Variants in RIN3 observed in about 807,000 individuals in gnomAD.
RIN3 encodes the protein RAB5 interacting protein 3.
Under a neutral mutation model 76.3 loss-of-function variants are expected in RIN3, and 54 were observed. The ratio of observed to expected loss-of-function variants is 0.71; its 90% CI spans 0.57 to 0.89. The LOEUF (loss-of-function observed/expected upper bound fraction) is 0.89. RIN3 is among the 40% of genes least tolerant of loss of function. The probability of loss-of-function intolerance (pLI) is 0.00; values close to 1 mark genes in which losing one functional copy is unlikely to be tolerated. For missense variants in RIN3, 1,256 were observed against 1,322.1 expected, an observed-to-expected ratio of 0.95 and a Z score of 0.78; for synonymous variants, 576 against 564.0, an observed-to-expected ratio of 1.02 and a Z score of -0.30.
chr14:92,651,971 G>A lies in RIN3; in HGVS notation c.922G>A (p.Ala308Thr). The A allele has an allele frequency of 7.0e-7, 1 of 1,418,646 alleles. No individual in the cohort carries two copies. Among genetic ancestry groups the A allele is most frequent in the Non-Finnish European group, 9.3e-7 (1 of 1,070,740 alleles). 87.9% of individuals were successfully genotyped at this position (1,418,646 alleles called of 1,614,324 possible). Residue 308 changes from alanine (A) to threonine (T), a missense_variant, in exon 6 of 10, where the codon GCC becomes ACC. Physicochemically the swap from Ala to Thr is moderately conservative, Grantham distance 58. This residue lies in a region of RIN3 where 610 missense variants were observed against 626.4 expected (regional missense o/e 0.97). Coordinates refer to ENST00000216487, the MANE Select transcript of RIN3 (RefSeq NM_024832.5). ...GCTCCCTGCTCTTGCCCCCGCCCCT[G>A]CCTGTCCTTTGCCCACCTCTCCCCC... ...PVLPALAPAPACPLPTSPPVP... is the reference protein window; with the variant it reads ...PVLPALAPAPTCPLPTSPPVP...
At chr14:92,671,470 G>T (rs1888285704) in intron 7 of RIN3, among the ~76,000 whole-genome samples, 1 of 152,212 alleles carries the variant, frequency 6.6e-6, no homozygotes, top group African/African-American at 2.4e-5. Context: ...GGAAAGTAGA[G>T]TAAGCACCAG....
At position 92,601,567 on chromosome 14, in the gene RIN3, A is replaced by G. The variant is rs527564230; in HGVS notation, c.368-13840A>G. On this transcript the variant is annotated intron_variant, in intron 3 of 9. Transcript: ENST00000216487. ...GGCACTCAGGGCTGTTGTCACTACC[A>G]AGGTGTTACCCACCTCCCTTCTCCC... Among the ~76,000 whole-genome samples the G allele has an allele frequency of 2.2e-3, 329 of 150,806 alleles. 2 individuals are homozygous for G. The highest frequency in any genetic ancestry group is 0.013 in the South Asian group (61 of 4,830).
intron 7 of RIN3, among the ~76,000 whole-genome samples, chr14:92,662,964 C>T (rs1389355285): frequency 6.6e-6 from 1 of 152,022 alleles, no homozygotes; most frequent in Non-Finnish European, 1.5e-5. Flanking sequence ...GTATGTGCCA[C>T]CACACCCAGC....
rs1195958565 is a variant in RIN3 at position 92,568,226 on chromosome 14, G to T, written c.250-9134G>T. 6.6e-6 allele frequency among the ~76,000 whole-genome samples: 1 copy of T among 152,076 alleles called. No homozygotes were observed. Among genetic ancestry groups the T allele is most frequent in the African/African-American group, 2.4e-5 (1 of 41,400 alleles). On this transcript the variant is annotated intron_variant, in intron 2 of 9. Transcript: ENST00000216487. The surrounding 1 kb of genome is among the most constrained non-coding windows in gnomAD (Gnocchi z 4.2). Reference sequence around the variant, plus strand: ...AGAAAGGGCTCTGGGTGGTCCTTCGGCTCCCCATCCCACCATGTACTCACT... The same window carrying T: ...AGAAAGGGCTCTGGGTGGTCCTTCGTCTCCCCATCCCACCATGTACTCACT...
chr14:92,555,814 G>T lies in RIN3; in HGVS notation c.108G>T (p.Leu36=), dbSNP rs1203760997. ...AGGAAGATGGCATGCGGCTTTGTCT[G>T]CCAGCCAACCCGAAAAACTGCCTTC... ...EEEEDGMRLC[L]PANPKNCLPH... Residue 36 remains leucine (L), a synonymous_variant, in exon 2 of 10, where the codon CTG becomes CTT. Transcript: ENST00000216487. 2.5e-6 allele frequency: 4 copies of T among 1,614,170 alleles called. No individual in the cohort carries two copies. The South Asian group carries it at 4.4e-5, about 18-fold the overall frequency.
chr14:92,671,696 C>G (rs7150931), intron 7 of RIN3, among the ~76,000 whole-genome samples: 1 of 151,914 alleles, frequency 6.6e-6, no homozygotes, highest in Non-Finnish European at 1.5e-5. Context: ...TGGCCGGCCC[C>G]GAAGTCCTCA....
intron 3 of RIN3, among the ~76,000 whole-genome samples, chr14:92,587,854 C>T (rs1298185717): frequency 6.6e-6 from 1 of 152,046 alleles, no homozygotes; most frequent in African/African-American, 2.4e-5. Context: ...AATACCAAGA[C>T]TGGGTAATTT....
At chr14:92,655,480 A>G (rs771429901) in intron 6 of RIN3, among the ~76,000 whole-genome samples, 6 of 152,274 alleles carry the variant, frequency 3.9e-5, no homozygotes, top group African/African-American at 9.6e-5. Flanking sequence ...GCAGGACCCC[A>G]AGGACCTTGT....
intron 2 of RIN3, among the ~76,000 whole-genome samples, chr14:92,575,396 G>A (rs1289715768): frequency 5.3e-5 from 8 of 152,244 alleles, no homozygotes; most frequent in African/African-American, 1.9e-4. Context: ...CAAAGAATAA[G>A]GTGAAAGCAA....
chr14:92,521,031 C>T (rs1302399037), intron 1 of RIN3, among the ~76,000 whole-genome samples: 1 of 152,190 alleles, frequency 6.6e-6, no homozygotes, highest in Non-Finnish European at 1.5e-5. Context: ...ACTCTTCTCG[C>T]AATGGATATC....
intron 1 of RIN3, among the ~76,000 whole-genome samples, chr14:92,554,922 C>A (rs1283447491): frequency 6.6e-6 from 1 of 151,022 alleles, no homozygotes; most frequent in Non-Finnish European, 1.5e-5. Context: ...GAATCTGTCT[C>A]AAAAAAAAAT....
intron 4 of RIN3, chr14:92,615,965 T>C (rs1885942032): frequency 1.3e-5 from 2 of 156,236 alleles, no homozygotes; most frequent in Non-Finnish European, 2.8e-5. Flanking sequence ...AAATACACTT[T>C]GGTGCCATAA....
At chr14:92,612,365 A>T (rs533575515) in intron 3 of RIN3, among the ~76,000 whole-genome samples, 2 of 152,302 alleles carry the variant, frequency 1.3e-5, no homozygotes, top group South Asian at 4.1e-4. Flanking sequence ...TCTTGTACCA[A>T]TCTGCACTCA....
chr14:92,608,601 C>A (rs1418629069), intron 3 of RIN3, among the ~76,000 whole-genome samples: 2 of 151,724 alleles, frequency 1.3e-5, no homozygotes, highest in African/African-American at 4.8e-5. Flanking sequence ...GTGGCACGAT[C>A]TTGGCTCACT....
rs141639130 is a variant in RIN3 at position 92,648,448 on chromosome 14, G to A, written c.533-3134G>A. ...CCCGGCTGGTGGCCCATCCGTTTAC[G>A]GGGCTCCTGTGCCCTCCTTCCTGCC... On this transcript the variant is annotated intron_variant, in intron 5 of 9. Transcript: ENST00000216487. The surrounding 1 kb of genome is among the most constrained non-coding windows in gnomAD (Gnocchi z 4.1). Among the ~76,000 whole-genome samples the A allele has an allele frequency of 7.9e-5, 12 of 152,328 alleles. No individual in the cohort carries two copies. In the South Asian group the frequency reaches 1.2e-3, roughly 16 times the overall value.
chr14:92,586,607 T>C (rs1253544267), intron 3 of RIN3: 2 of 152,264 alleles, frequency 1.3e-5, no homozygotes, highest in Non-Finnish European at 2.9e-5. Flanking sequence ...CTCCTTTTTT[T>C]TTCACTTAGA....
chr14:92,630,688 C>T (rs1228971154), intron 4 of RIN3, among the ~76,000 whole-genome samples: 1 of 152,208 alleles, frequency 6.6e-6, no homozygotes, highest in Non-Finnish European at 1.5e-5. Context: ...TGGGCCTACC[C>T]TCAAACTCCC....
In RIN3 at chr14:92,688,375, C is replaced by G. The variant is rs1888962270; in HGVS notation, c.*123C>G. The G allele has an allele frequency of 5.4e-6, 5 of 922,778 alleles. No individual in the cohort carries two copies. The highest frequency in any genetic ancestry group is 2.7e-5 in the East Asian group (1 of 37,018). 57.2% of individuals were successfully genotyped at this position (922,778 alleles called of 1,614,324 possible). On this transcript the variant is annotated 3_prime_UTR_variant, in exon 10 of 10. Coordinates refer to ENST00000216487, the MANE Select transcript of RIN3 (RefSeq NM_024832.5). ...TGGGCCATTCCATGACGTGCCCAGG[C>G]CAACGTCGCAGGACAGTTGTGAAAA...
At chr14:92,564,432 G>A (rs186974406) in intron 2 of RIN3, among the ~76,000 whole-genome samples, 2 of 152,292 alleles carry the variant, frequency 1.3e-5, no homozygotes, top group Admixed American at 6.5e-5. Flanking sequence ...AAGCCTCTTA[G>A]GGACTGGGAA....
Sources: allele counts gnomAD v4.1 joint callset (sites outside exome capture counted in the v4.1 genomes callset), GRCh38; gene constraint gnomAD v4.1.1; regional missense constraint gnomAD v4.1.1; non-coding constraint Gnocchi (gnomAD v3.1); transcripts MANE v1.5; gene names NCBI Gene and HGNC (gene_info 2026-07-23, HGNC 2026-07-21).